The following ZC3H12D variants were observed in gnomAD, a reference collection of about 807,000 sequenced individuals.
ZC3H12D encodes the protein zinc finger CCCH-type containing 12D, also known as probable ribonuclease ZC3H12D.
A neutral mutation model predicts 24.2 loss-of-function variants in ZC3H12D; 11 were observed. The ratio of observed to expected loss-of-function variants is 0.46; its 90% CI spans 0.29 to 0.75. ZC3H12D has a LOEUF of 0.75. ZC3H12D is among the 30% of genes least tolerant of loss of function. The probability of loss-of-function intolerance (pLI) is 0.11; values close to 1 mark genes in which losing one functional copy is unlikely to be tolerated. For missense variants in ZC3H12D, 740 were observed against 767.7 expected (o/e 0.96, Z 0.43); for synonymous variants, 333 against 341.8 (o/e 0.97, Z 0.28).
intron 3 of ZC3H12D, among the ~76,000 whole-genome samples, chr6:149,459,956 A>T (rs970636639): frequency 6.6e-6 from 1 of 152,226 alleles, no homozygotes; most frequent in African/African-American, 2.4e-5. Flanking sequence ...GATTCAGACC[A>T]CGTGTGTGAC....
At chr6:149,457,405 G>C (rs1360461963) in intron 3 of ZC3H12D, among the ~76,000 whole-genome samples, 1 of 152,268 alleles carries the variant, frequency 6.6e-6, no homozygotes, top group South Asian at 2.1e-4. Flanking sequence ...CCAGGAACCT[G>C]CCTGGGACAC....
chr6:149,468,612 A>G (rs1776197366), intron 2 of ZC3H12D, among the ~76,000 whole-genome samples: 1 of 152,104 alleles, frequency 6.6e-6, no homozygotes, highest in South Asian at 2.1e-4. Flanking sequence ...TCAATTGCAA[A>G]CACTCTGACC....
rs7747948 is a variant in ZC3H12D at position 149,474,386 on chromosome 6, G to C, written c.158C>G (p.Pro53Arg). ...TGSRPGALEH[P>R]AAPRLVPRGS... is the part of the protein sequence containing the mutation. ...CCGAGGCACTAGCCTGGGTGCAGCCGGGTGCTCCAGGGCACCCGGGCGGCT... is the reference window on the plus strand; with the variant it reads ...CCGAGGCACTAGCCTGGGTGCAGCCCGGTGCTCCAGGGCACCCGGGCGGCT... Residue 53 changes from proline to arginine, a missense_variant, in exon 2 of 6, where the codon CCG becomes CGG. Coordinates refer to ENST00000409806, the MANE Select transcript of ZC3H12D (RefSeq NM_207360.3). 6.2e-7 allele frequency: 1 copy of C among 1,607,062 alleles called. No individual in the cohort carries two copies. Among genetic ancestry groups the C allele is most frequent in the African/African-American group, 1.3e-5 (1 of 74,804 alleles).
chr6:149,456,977 C>T lies in ZC3H12D; in HGVS notation c.446-77G>A. The T allele has an allele frequency of 7.1e-7, 1 of 1,417,060 alleles. No individual in the cohort carries two copies. Among genetic ancestry groups the T allele is most frequent in the Non-Finnish European group, 9.6e-7 (1 of 1,041,070 alleles). 87.8% of individuals were successfully genotyped at this position (1,417,060 alleles called of 1,614,324 possible). ...GAGAACCACCCCCAACGCGAGGCCA[C>T]CCGCTTCCCGGGCCGGTCAGATGAG... is the stretch of plus-strand genomic sequence containing the variant. On this transcript the variant is annotated intron_variant, in intron 3 of 5. Coordinates refer to ENST00000409806, the MANE Select transcript of ZC3H12D (RefSeq NM_207360.3). The surrounding 1 kb of genome is among the most constrained non-coding windows in gnomAD (Gnocchi z 4.3).
In ZC3H12D at chr6:149,456,863, C is replaced by CA. The variant is rs762310553; in HGVS notation, c.482dup (p.Leu162AlafsTer71). On this transcript the variant is annotated frameshift_variant, in exon 4 of 6. Coordinates refer to ENST00000409806, the MANE Select transcript of ZC3H12D (RefSeq NM_207360.3). LOFTEE classifies it high-confidence loss of function. This position sits in a 1 kb window ranked among gnomAD's most constrained non-coding sequence, Gnocchi z 4.3. Reference sequence around the variant, plus strand: ...CCTTGCGGGACGGCGTGTACACCAGCACCGCCTGCCGCTCCAGCTCCGCCA... The same window carrying CA: ...CCTTGCGGGACGGCGTGTACACCAGCAACCGCCTGCCGCTCCAGCTCCGCCA... 1 of 1,605,320 alleles carries CA rather than the reference C, an allele frequency of 6.2e-7. No individual in the cohort carries two copies. Among genetic ancestry groups the CA allele is most frequent in the South Asian group, 1.1e-5 (1 of 91,056 alleles).
chr6:149,466,968 G>A (rs1377017404), intron 2 of ZC3H12D, among the ~76,000 whole-genome samples: 1 of 151,604 alleles, frequency 6.6e-6, no homozygotes, highest in African/African-American at 2.4e-5. Context: ...CTTTTTTCAG[G>A]GTCTCCTTCC....
At chr6:149,459,858 T>C (rs1401345756) in intron 3 of ZC3H12D, among the ~76,000 whole-genome samples, 1 of 152,176 alleles carries the variant, frequency 6.6e-6, no homozygotes, top group Non-Finnish European at 1.5e-5. Context: ...ACACAAATGG[T>C]CCACACTGCC....
Position 149,461,907 on chromosome 6 carries a change from G to A in ZC3H12D, c.369C>T (p.Asp123=). The A allele has an allele frequency of 6.2e-7, 1 of 1,609,796 alleles. No homozygotes were observed. Among genetic ancestry groups the A allele is most frequent in the South Asian group, 1.1e-5 (1 of 89,656 alleles). ...GIKLAVDWFR[D]RGHTYIKVFV... is the part of the protein sequence containing the mutation. ...AAACTTTGATGTAGGTGTGTCCTCTGTCCCTGAACCAGTCAACAGCCAGCT... is the reference window on the plus strand; with the variant it reads ...AAACTTTGATGTAGGTGTGTCCTCTATCCCTGAACCAGTCAACAGCCAGCT... Residue 123 remains aspartate, a synonymous_variant, in exon 3 of 6, where the codon GAC becomes GAT. Coordinates refer to ENST00000409806, the MANE Select transcript of ZC3H12D (RefSeq NM_207360.3).
At chr6:149,476,811 AAATAG>A (rs58370843) in intron 1 of ZC3H12D, among the ~76,000 whole-genome samples, 3 of 150,892 alleles carry the variant, frequency 2.0e-5, no homozygotes, top group Non-Finnish European at 4.4e-5. Context: ...CTGTCTAAAA[AAATAG>A]AATAGAATAG....
At chr6:149,460,895 T>C (rs57123631) in intron 3 of ZC3H12D, among the ~76,000 whole-genome samples, 2,662 of 151,630 alleles carry the variant, frequency 0.018, 74 homozygotes, top group African/African-American at 0.062. Context: ...TCCCAGCTAC[T>C]GAAGAAGCTA....
Position 149,483,640 on chromosome 6 carries a change from C to T in ZC3H12D, c.-71+1173G>A, listed in dbSNP as rs145980068. On this transcript the variant is annotated intron_variant, in intron 1 of 5. Coordinates refer to ENST00000409806, the MANE Select transcript of ZC3H12D (RefSeq NM_207360.3). ...GCATTATATCTTCAATACAAACTCCCGGGCTCAAGCAATCCTCCTACCTCA... is the reference window on the plus strand; with the variant it reads ...GCATTATATCTTCAATACAAACTCCTGGGCTCAAGCAATCCTCCTACCTCA... Among the ~76,000 whole-genome samples the T allele has an allele frequency of 5.7e-3, 872 of 152,280 alleles. 12 individuals are homozygous for T. The highest frequency in any genetic ancestry group is 0.02 in the African/African-American group (839 of 41,564).
intron 1 of ZC3H12D, among the ~76,000 whole-genome samples, chr6:149,481,090 G>A (rs1390893321): frequency 1.5e-5 from 1 of 65,636 alleles, no homozygotes; most frequent in Non-Finnish European, 2.4e-5. Flanking sequence ...CTCTCACTGA[G>A]CCCAAAGGCT....
chr6:149,474,460 G>T lies in ZC3H12D; in HGVS notation c.84C>A (p.Gly28=). Residue 28 remains glycine, a synonymous_variant, in exon 2 of 6, where the codon GGC becomes GGA. Transcript: ENST00000409806. ...EDVLRVLGKL[G]EGALVNDVLQ... is the part of the protein sequence containing the mutation. ...GCACGTCGTTGACCAGGGCGCCCTC[G>T]CCCAGCTTGCCCAACACCCGGAGCA... is the stretch of plus-strand genomic sequence containing the variant. The T allele has an allele frequency of 6.3e-7, 1 of 1,594,246 alleles. No individual in the cohort carries two copies. Among genetic ancestry groups the T allele is most frequent in the Non-Finnish European group, 8.6e-7 (1 of 1,166,196 alleles).
chr6:149,450,308 C>A lies in ZC3H12D; in HGVS notation c.*375G>T, dbSNP rs1775868385. Reference sequence around the variant, plus strand: ...ATAGGTAACAAGAGTTCAGACTCAGCCTGATGGCACAGGGTGCGCTTTGCC... The same window carrying A: ...ATAGGTAACAAGAGTTCAGACTCAGACTGATGGCACAGGGTGCGCTTTGCC... On this transcript the variant is annotated 3_prime_UTR_variant, in exon 6 of 6. Transcript: ENST00000409806. 2 of 210,618 alleles carry A rather than the reference C, an allele frequency of 9.5e-6. No individual in the cohort carries two copies. The highest frequency in any genetic ancestry group is 2.9e-4 in the South Asian group (2 of 6,800). 13.0% of individuals were successfully genotyped at this position (210,618 alleles called of 1,614,324 possible). A position where few individuals can be genotyped will look rare whatever the true frequency, so the allele number is the denominator to read the frequency against.
intron 2 of ZC3H12D, among the ~76,000 whole-genome samples, chr6:149,465,886 C>G (rs535249966): frequency 6.6e-6 from 1 of 151,254 alleles, no homozygotes; most frequent in African/African-American, 2.4e-5. Context: ...TCCACCCAGC[C>G]CAACCATAGG....
chr6:149,458,390 C>T (rs1263763573), intron 3 of ZC3H12D, among the ~76,000 whole-genome samples: 1 of 152,082 alleles, frequency 6.6e-6, no homozygotes, highest in Non-Finnish European at 1.5e-5. Flanking sequence ...CCACCTCAAC[C>T]TCCCAAAGTG....
chr6:149,478,133 C>T (rs1776369550), intron 1 of ZC3H12D, among the ~76,000 whole-genome samples: 1 of 148,830 alleles, frequency 6.7e-6, no homozygotes, highest in Non-Finnish European at 1.5e-5. Context: ...TGCCACTGCA[C>T]TCCAGCCTGG....
At position 149,448,080 on chromosome 6, in the gene ZC3H12D, G is replaced by C. The variant is rs1339997336; in HGVS notation, c.*2603C>G. 1 of 152,188 alleles carries C rather than the reference G, an allele frequency of 6.6e-6. No individual in the cohort carries two copies. The highest frequency in any genetic ancestry group is 2.4e-5 in the African/African-American group (1 of 41,420). 9.4% of individuals were successfully genotyped at this position (152,188 alleles called of 1,614,324 possible). The stretch of plus-strand genomic sequence containing the variant: ...GCTGAGGCGGGGATCACAAGGTCAG[G>C]AGATCGAGACCATCCTGGCTAACAC... On this transcript the variant is annotated 3_prime_UTR_variant, in exon 6 of 6. Coordinates refer to ENST00000409806, the MANE Select transcript of ZC3H12D (RefSeq NM_207360.3).
chr6:149,458,333 G>A (rs1483306019), intron 3 of ZC3H12D, among the ~76,000 whole-genome samples: 2 of 151,170 alleles, frequency 1.3e-5, no homozygotes, highest in African/African-American at 4.9e-5. Flanking sequence ...ATGGGAATTC[G>A]CCATGTTGCC....
Sources: allele counts gnomAD v4.1 joint callset (sites outside exome capture counted in the v4.1 genomes callset), GRCh38; gene constraint gnomAD v4.1.1; non-coding constraint Gnocchi (gnomAD v3.1); transcripts MANE v1.5; gene names NCBI Gene and HGNC (gene_info 2026-07-23, HGNC 2026-07-21).